The following FILIP1L variants were observed in gnomAD, a reference collection of about 807,000 sequenced individuals.
FILIP1L encodes filamin A-interacting protein 1-like.
In FILIP1L, 55 loss-of-function variants were observed where a neutral mutation model predicts 96.6. That is an observed-to-expected ratio of 0.57 (90% CI 0.46 to 0.71). The LOEUF (loss-of-function observed/expected upper bound fraction) is 0.71. FILIP1L is among the 30% of genes least tolerant of loss of function. The pLI is 0.00. For missense variants in FILIP1L, 1,304 were observed against 1,321.2 expected (o/e 0.99, Z 0.20); for synonymous variants, 467 against 473.9 (o/e 0.99, Z 0.19).
In FILIP1L at chr3:99,929,892, A is replaced by G. The variant is rs371463759; in HGVS notation, c.390T>C (p.Pro130=). 26 of 1,613,880 alleles carry G rather than the reference A, an allele frequency of 1.6e-5. No homozygotes were observed. In the African/African-American group the frequency reaches 2.4e-4, roughly 15 times the overall value. Residue 130 remains proline, a synonymous_variant, in exon 3 of 6, where the codon CCT becomes CCC. Coordinates refer to ENST00000477258, the MANE Select transcript of FILIP1L (RefSeq NM_001387850.1). ...GTTTCTCATAGATGTCCTCCTGCCA[A>G]GGGGTAGATTTCGCTTGAAAAGCAT... The part of the protein sequence containing the change: ...QRDAFQAKST[P]WQEDIYEKPM...
chr3:99,892,528 A>T (rs1183887944), intron 4 of FILIP1L, among the ~76,000 whole-genome samples: 1 of 151,664 alleles, frequency 6.6e-6, no homozygotes, highest in Non-Finnish European at 1.5e-5. Flanking sequence ...GTTGCCTCTG[A>T]CTCCCTGGTT....
chr3:100,065,989 C>T (rs1210601802), intron 1 of FILIP1L, among the ~76,000 whole-genome samples: 2 of 152,190 alleles, frequency 1.3e-5, no homozygotes, highest in African/African-American at 4.8e-5. Context: ...GGGAATGCGA[C>T]CCAGCAATAT....
At chr3:99,944,630 A>G (rs138953621) in intron 1 of FILIP1L, among the ~76,000 whole-genome samples, 1 of 152,364 alleles carries the variant, frequency 6.6e-6, no homozygotes, top group African/African-American at 2.4e-5. Context: ...AATCTGCCCC[A>G]AGCCACAGAA....
chr3:99,957,693 C>CTTTTGTTTTTTTTTTTTTTTTTTT (rs1708365007), intron 1 of FILIP1L, among the ~76,000 whole-genome samples: 1 of 19,894 alleles, frequency 5.0e-5, no homozygotes, highest in Non-Finnish European at 1.1e-4. Flanking sequence ...TTCTTTCTTT[C>CTTTTGTTTTTTTTTTTTTTTTTTT]TTTTTTTTTT....
intron 1 of FILIP1L, among the ~76,000 whole-genome samples, chr3:100,080,525 G>A (rs184064786): frequency 2.5e-4 from 38 of 152,314 alleles, no homozygotes; most frequent in Admixed American, 2.0e-4. Flanking sequence ...GGGCAATGCA[G>A]ATATAGGTGA....
rs545204222 is a variant in FILIP1L, at chr3:100,061,927, A to G, written c.-11+52126T>C. ...TCATTTTAACTATTGCTAACTGTGCAGTTTAATAGCATTAAGAACATTCAC... is the reference window on the plus strand; with the variant it reads ...TCATTTTAACTATTGCTAACTGTGCGGTTTAATAGCATTAAGAACATTCAC... On this transcript the variant is annotated intron_variant, in intron 1 of 5. Transcript: ENST00000477258. Among the ~76,000 whole-genome samples the G allele has an allele frequency of 3.3e-5, 5 of 152,172 alleles. No homozygotes were observed. In the East Asian group the frequency reaches 7.7e-4, roughly 24 times the overall value.
intron 1 of FILIP1L, among the ~76,000 whole-genome samples, chr3:100,088,985 G>T (rs192170303): frequency 4.6e-5 from 7 of 152,214 alleles, no homozygotes; most frequent in Non-Finnish European, 7.4e-5. Flanking sequence ...ATCAATCATG[G>T]TTTACACTCT....
At chr3:100,035,447 A>G (rs916860785) in intron 1 of FILIP1L, among the ~76,000 whole-genome samples, 2 of 152,002 alleles carry the variant, frequency 1.3e-5, no homozygotes, top group Middle Eastern at 3.2e-3. Context: ...CTAATTTGGT[A>G]TTTTTAGTAG....
At chr3:99,915,900 T>C (rs1337944945) in intron 4 of FILIP1L, among the ~76,000 whole-genome samples, 1 of 152,214 alleles carries the variant, frequency 6.6e-6, no homozygotes, top group Non-Finnish European at 1.5e-5. Context: ...TAGAACCCAG[T>C]ATAGGGTCTA....
intron 1 of FILIP1L, among the ~76,000 whole-genome samples, chr3:99,966,063 C>T (rs1474606898): frequency 6.6e-6 from 1 of 152,200 alleles, no homozygotes; most frequent in Non-Finnish European, 1.5e-5. Context: ...AATAGGGGTA[C>T]AGCACAACAG....
intron 1 of FILIP1L, among the ~76,000 whole-genome samples, chr3:99,966,418 AT>A (rs1403143087): frequency 2.6e-5 from 4 of 152,104 alleles, no homozygotes; most frequent in African/African-American, 9.6e-5. Context: ...TCGGCTATAT[AT>A]AGTTTTAGAG....
chr3:100,106,635 G>A (rs977455387), intron 1 of FILIP1L, among the ~76,000 whole-genome samples: 2 of 152,138 alleles, frequency 1.3e-5, no homozygotes, highest in African/African-American at 4.8e-5. Context: ...GGTAAGGGCT[G>A]TAGGATCCAG....
chr3:100,105,906 GCTTT>G (rs1224504812), intron 1 of FILIP1L, among the ~76,000 whole-genome samples: 1 of 152,068 alleles, frequency 6.6e-6, no homozygotes, highest in Non-Finnish European at 1.5e-5. Flanking sequence ...TAATCAATGA[GCTTT>G]CTTTTCTCAC....
Position 99,849,465 on chromosome 3 carries a change from AC to A in FILIP1L, c.2210del (p.Cys737PhefsTer14), listed in dbSNP as rs1943547647. 1 of 1,613,618 alleles carries A rather than the reference AC, an allele frequency of 6.2e-7. No homozygotes were observed. The highest frequency in any genetic ancestry group is 1.3e-5 in the African/African-American group (1 of 74,858). On this transcript the variant is annotated frameshift_variant, in exon 5 of 6. Transcript: ENST00000477258. LOFTEE classifies it high-confidence loss of function. The part of the protein sequence containing the change: ...HEYMATEDLI[C>X]HLQGDHSVLQ... Reference sequence around the variant, plus strand: ...GGACTGAGTGATCTCCCTGGAGGTGACATATTAGGTCTTCAGTTGCCATGTA... The same window carrying A: ...GGACTGAGTGATCTCCCTGGAGGTGAATATTAGGTCTTCAGTTGCCATGTA...
intron 4 of FILIP1L, among the ~76,000 whole-genome samples, chr3:99,923,310 C>A (rs1327513544): frequency 6.6e-6 from 1 of 152,120 alleles, no homozygotes; most frequent in Non-Finnish European, 1.5e-5. Flanking sequence ...ATTCTTTACA[C>A]CAGATACTGT....
chr3:99,938,996 A>G (rs888375850), intron 1 of FILIP1L, among the ~76,000 whole-genome samples: 16 of 152,230 alleles, frequency 1.1e-4, no homozygotes, highest in African/African-American at 3.9e-4. Flanking sequence ...CATTTTCAGT[A>G]AAAATCATTG....
intron 4 of FILIP1L, among the ~76,000 whole-genome samples, chr3:99,874,120 A>C (rs1437840133): frequency 6.6e-6 from 1 of 152,172 alleles, no homozygotes; most frequent in Admixed American, 6.5e-5. Context: ...AAATGGGAAA[A>C]AGTGTGGAAT....
At chr3:99,914,390 T>A (rs1244492437) in intron 4 of FILIP1L, among the ~76,000 whole-genome samples, 1 of 152,230 alleles carries the variant, frequency 6.6e-6, no homozygotes, top group African/African-American at 2.4e-5. Context: ...AAATACTCTT[T>A]CAATAAAATG....
chr3:100,025,273 A>G (rs2064897803), intron 1 of FILIP1L, among the ~76,000 whole-genome samples: 1 of 152,188 alleles, frequency 6.6e-6, no homozygotes, highest in African/African-American at 2.4e-5. Flanking sequence ...TAAAGGGCAC[A>G]GGCCTCTGAA....
Sources: gnomAD v4.1 joint callset for allele counts (sites outside exome capture counted in the v4.1 genomes callset) on GRCh38, gnomAD v4.1.1 for gene constraint, MANE v1.5 for transcripts, NCBI Gene and HGNC (gene_info 2026-07-23, HGNC 2026-07-21) for gene names.